The following STAG1 variants were observed in gnomAD, a reference collection of about 807,000 sequenced individuals.
STAG1 encodes cohesin subunit SA-1.
Under a neutral mutation model 170.9 loss-of-function variants are expected in STAG1, and 26 were observed. The ratio of observed to expected loss-of-function variants is 0.15; its 90% CI spans 0.11 to 0.21. STAG1 has a LOEUF of 0.21. Ranked by LOEUF, STAG1 falls within the 10% of genes least tolerant of loss-of-function variation. The probability of loss-of-function intolerance (pLI) is 1.00; values close to 1 mark genes in which losing one functional copy is unlikely to be tolerated. For synonymous variants in STAG1, 514 were observed against 497.7 expected (o/e 1.03, Z -0.44); for missense variants, 964 against 1,509.5 (o/e 0.64, Z 5.99).
At chr3:136,698,316 C>T (rs1942956900) in intron 1 of STAG1, among the ~76,000 whole-genome samples, 1 of 151,974 alleles carries the variant, frequency 6.6e-6, no homozygotes, top group Non-Finnish European at 1.5e-5. Flanking sequence ...AAAAAACAAT[C>T]CCATCAAAAA....
chr3:136,386,737 A>G (rs2086883519), intron 22 of STAG1, among the ~76,000 whole-genome samples: 1 of 152,124 alleles, frequency 6.6e-6, no homozygotes, highest in Admixed American at 6.6e-5. Flanking sequence ...AGGTACCACC[A>G]TGTTGCCCAG....
rs575860215 is a variant in STAG1 at position 136,727,203 on chromosome 3, T to C, written c.-84+24992A>G. Among the ~76,000 whole-genome samples the C allele has an allele frequency of 6.6e-5, 10 of 152,240 alleles. No individual in the cohort carries two copies. In the South Asian group the frequency reaches 2.1e-3, roughly 32 times the overall value. ...TCTGCCTTCTTTTCCAGTATATAAATGAAATGAAAAATGTATAACTTGGAC... is the reference window on the plus strand; with the variant it reads ...TCTGCCTTCTTTTCCAGTATATAAACGAAATGAAAAATGTATAACTTGGAC... On this transcript the variant is annotated intron_variant, in intron 1 of 33. Coordinates refer to ENST00000383202, the MANE Select transcript of STAG1 (RefSeq NM_005862.3).
intron 23 of STAG1, among the ~76,000 whole-genome samples, chr3:136,376,210 A>G (rs2108305512): frequency 6.6e-6 from 1 of 152,114 alleles, no homozygotes; most frequent in Non-Finnish European, 1.5e-5. Flanking sequence ...ACAGCAAAGG[A>G]TAAGTAATAC....
intron 7 of STAG1, among the ~76,000 whole-genome samples, chr3:136,507,636 G>A (rs537280269): frequency 6.6e-6 from 1 of 152,140 alleles, no homozygotes; most frequent in South Asian, 2.1e-4. Flanking sequence ...CCAAAGTGTT[G>A]GAATTACAGG....
chr3:136,498,850 C>T (rs1161319254), intron 9 of STAG1, among the ~76,000 whole-genome samples: 2 of 152,106 alleles, frequency 1.3e-5, no homozygotes, highest in Non-Finnish European at 2.9e-5. Flanking sequence ...AAGCCCTGGA[C>T]CTATTTCAAA....
intron 2 of STAG1, among the ~76,000 whole-genome samples, chr3:136,627,395 ATCTC>A (rs1210537189): frequency 6.6e-6 from 1 of 152,186 alleles, no homozygotes; most frequent in South Asian, 2.1e-4. Context: ...AGGCTTTTGC[ATCTC>A]TCTGTCTCTC....
intron 4 of STAG1, chr3:136,586,858 TAAG>T (rs1160083096): frequency 2.2e-6 from 1 of 456,692 alleles, no homozygotes; most frequent in South Asian, 1.5e-5. Flanking sequence ...CAAAGGCTTC[TAAG>T]AAGTAGACAC....
intron 1 of STAG1, among the ~76,000 whole-genome samples, chr3:136,704,186 G>A (rs575482334): frequency 9.2e-5 from 14 of 151,354 alleles, no homozygotes; most frequent in South Asian, 2.1e-4. Flanking sequence ...AAGTAGCTGC[G>A]ATTACAGGAG....
rs60449608 is a variant in STAG1 at position 136,613,313 on chromosome 3, C to CAAA, written c.133-8843_133-8841dup. On this transcript the variant is annotated intron_variant, in intron 3 of 33. Transcript: ENST00000383202. ...AAGTGAACAGAGTGAGACTCCGTCT[C>CAAA]AAAAAAAAAAAAAAAAAAAAAAGAA... Among the ~76,000 whole-genome samples, 45 of 59,750 alleles carry CAAA rather than the reference C, an allele frequency of 7.5e-4. 7 individuals carry two copies. Among genetic ancestry groups the CAAA allele is most frequent in the South Asian group, 1.8e-3 (2 of 1,096 alleles). The allele number at this position is 59,750 out of a possible 152,430, so 39.2% of individuals were successfully genotyped here. A position where few individuals can be genotyped will look rare whatever the true frequency, so the allele number is the denominator to read the frequency against.
At chr3:136,515,170 GC>G (rs1934295744) in intron 7 of STAG1, among the ~76,000 whole-genome samples, 3 of 152,096 alleles carry the variant, frequency 2.0e-5, no homozygotes, top group Admixed American at 1.3e-4. Context: ...TTCGAGACTA[GC>G]CTGGCTAACA....
Position 136,477,365 on chromosome 3 carries a change from A to G in STAG1, c.950T>C (p.Val317Ala). 2 of 1,612,816 alleles carry G rather than the reference A, an allele frequency of 1.2e-6. No individual in the cohort carries two copies. The highest frequency in any genetic ancestry group is 1.7e-6 in the Non-Finnish European group (2 of 1,179,568). ...IRAICIEEIG[V>A]WMKMYSDAFL... ...GGCATCACTATACATTTTCATCCAT[A>G]CTCCAATTTCTTCAATACAAATGGC... The change falls in exon 10 of 34, where the codon GTA becomes GCA. Residue 317 changes from valine (V) to alanine (A), a missense_variant. Coordinates refer to ENST00000383202, the MANE Select transcript of STAG1 (RefSeq NM_005862.3).
chr3:136,338,809 C>T (rs2108253004), intron 32 of STAG1, among the ~76,000 whole-genome samples: 1 of 152,268 alleles, frequency 6.6e-6, no homozygotes, highest in South Asian at 2.1e-4. Flanking sequence ...TCTGTGAATT[C>T]CCCAAAGCAG....
chr3:136,538,403 C>T (rs1044131792), intron 6 of STAG1, among the ~76,000 whole-genome samples: 1 of 150,494 alleles, frequency 6.6e-6, no homozygotes, highest in Non-Finnish European at 1.5e-5. Context: ...AAATAATCAC[C>T]ATATAGTTAC....
At chr3:136,732,456 G>C (rs1934096280) in intron 1 of STAG1, among the ~76,000 whole-genome samples, 1 of 152,048 alleles carries the variant, frequency 6.6e-6, no homozygotes. Flanking sequence ...AACTACCAAA[G>C]AAGCATTACA....
At chr3:136,424,737 T>C (rs2088064315) in intron 16 of STAG1, among the ~76,000 whole-genome samples, 1 of 152,162 alleles carries the variant, frequency 6.6e-6, no homozygotes, top group South Asian at 2.1e-4. Flanking sequence ...AAGAAGGAAT[T>C]TGCCAATATC....
chr3:136,507,521 C>G (rs1301824989), intron 7 of STAG1, among the ~76,000 whole-genome samples: 1 of 151,838 alleles, frequency 6.6e-6, no homozygotes, highest in African/African-American at 2.4e-5. Flanking sequence ...ACCACCATGC[C>G]CAGCTAATTA....
Position 136,635,023 on chromosome 3 carries a change from G to A in STAG1, c.-83-4042C>T, listed in dbSNP as rs924542347. Among the ~76,000 whole-genome samples the A allele has an allele frequency of 8.5e-5, 13 of 152,228 alleles. No individual in the cohort carries two copies. The South Asian group carries it at 1.5e-3, about 17-fold the overall frequency. ...AATCTCCCCAGGAAGAAAAGCCCAGGACCAGATGGCCTTACTGCTTAATTA... is the reference window on the plus strand; with the variant it reads ...AATCTCCCCAGGAAGAAAAGCCCAGAACCAGATGGCCTTACTGCTTAATTA... On this transcript the variant is annotated intron_variant, in intron 1 of 33. Transcript: ENST00000383202.
At chr3:136,534,247 A>T (rs1191123458) in intron 6 of STAG1, among the ~76,000 whole-genome samples, 1 of 152,214 alleles carries the variant, frequency 6.6e-6, no homozygotes, top group Admixed American at 6.5e-5. Flanking sequence ...CACGTTATAT[A>T]AAAATCAACT....
intron 22 of STAG1, among the ~76,000 whole-genome samples, chr3:136,382,215 T>C (rs1938007086): frequency 6.6e-6 from 1 of 152,086 alleles, no homozygotes; most frequent in Non-Finnish European, 1.5e-5. Flanking sequence ...ATCTTAGGAG[T>C]TGGAGGCAAA....
Sources: allele counts gnomAD v4.1 joint callset (sites outside exome capture counted in the v4.1 genomes callset), GRCh38; gene constraint gnomAD v4.1.1; transcripts MANE v1.5; gene names NCBI Gene and HGNC (gene_info 2026-07-23, HGNC 2026-07-21).